The following PLXDC2 variants were observed in gnomAD, a reference collection of about 807,000 sequenced individuals.
PLXDC2 encodes plexin domain-containing protein 2.
Under a neutral mutation model 68.9 loss-of-function variants are expected in PLXDC2, and 40 were observed. The observed-to-expected ratio is 0.58, with a 90% CI of 0.45 to 0.76. The LOEUF is 0.76. PLXDC2 is among the 30% of genes least tolerant of loss of function. The probability of loss-of-function intolerance (pLI) is 0.00; values close to 1 mark genes in which losing one functional copy is unlikely to be tolerated. For synonymous variants in PLXDC2, 243 were observed against 234.2 expected, an observed-to-expected ratio of 1.04 and a Z score of -0.34; for missense variants, 644 against 661.9, an observed-to-expected ratio of 0.97 and a Z score of 0.30.
chr10:20,125,147 A>G (rs1267892460), intron 4 of PLXDC2, among the ~76,000 whole-genome samples: 3 of 151,568 alleles, frequency 2.0e-5, no homozygotes, highest in Admixed American at 6.6e-5. Context: ...GTGACAATCA[A>G]CCCCCTACCC....
intron 1 of PLXDC2, among the ~76,000 whole-genome samples, chr10:19,987,506 TC>T (rs1209155458): frequency 1.3e-5 from 2 of 152,136 alleles, no homozygotes; most frequent in Non-Finnish European, 2.9e-5. Flanking sequence ...ACACTTGCCA[TC>T]CTTTTTTTAC....
intron 1 of PLXDC2, among the ~76,000 whole-genome samples, chr10:19,853,069 C>T (rs1241892280): frequency 3.3e-5 from 5 of 152,156 alleles, no homozygotes; most frequent in Non-Finnish European, 4.4e-5. Flanking sequence ...TTCATTCTTT[C>T]AGTTGCTCAA....
intron 4 of PLXDC2, among the ~76,000 whole-genome samples, chr10:20,116,473 T>C (rs1474776220): frequency 4.0e-5 from 6 of 151,892 alleles, no homozygotes; most frequent in Non-Finnish European, 8.8e-5. Context: ...TCACAGTAAA[T>C]CGAGAAGTTA....
chr10:19,850,229 A>T (rs944226951), intron 1 of PLXDC2, among the ~76,000 whole-genome samples: 3 of 151,704 alleles, frequency 2.0e-5, no homozygotes, highest in Non-Finnish European at 4.4e-5. Context: ...TTAAATTAGA[A>T]ATATCCCTTA....
At chr10:20,251,576 A>T (rs1835676096) in intron 13 of PLXDC2, among the ~76,000 whole-genome samples, 1 of 152,066 alleles carries the variant, frequency 6.6e-6, no homozygotes, top group Non-Finnish European at 1.5e-5. Flanking sequence ...AAATGTTTAC[A>T]CTCTTGAGTG....
chr10:20,025,490 G>T (rs544679994), intron 2 of PLXDC2, among the ~76,000 whole-genome samples: 1 of 151,970 alleles, frequency 6.6e-6, no homozygotes, highest in African/African-American at 2.4e-5. Context: ...TTGAACTCCC[G>T]ACCTCAGGTG....
chr10:19,924,164 A>AG (rs1833503480), intron 1 of PLXDC2, among the ~76,000 whole-genome samples: 1 of 152,232 alleles, frequency 6.6e-6, no homozygotes, highest in Admixed American at 6.5e-5. Flanking sequence ...GGTCTCAGTC[A>AG]GACTCCTGAC....
At chr10:19,883,950 G>T (rs1199029821) in intron 1 of PLXDC2, among the ~76,000 whole-genome samples, 4 of 134,360 alleles carry the variant, frequency 3.0e-5, no homozygotes, top group Admixed American at 2.4e-4. Flanking sequence ...CTGGAGTGTG[G>T]TGGCGTGATT....
chr10:19,972,568 C>T (rs576568146), intron 1 of PLXDC2, among the ~76,000 whole-genome samples: 2 of 152,062 alleles, frequency 1.3e-5, no homozygotes, highest in Admixed American at 6.5e-5. Context: ...ATGTAACAAA[C>T]GTGCACACAC....
chr10:20,083,188 A>G (rs1005935912), intron 4 of PLXDC2, among the ~76,000 whole-genome samples: 3 of 152,092 alleles, frequency 2.0e-5, no homozygotes, highest in Non-Finnish European at 2.9e-5. Flanking sequence ...AATTATTACT[A>G]TGTGCGGCCG....
At chr10:20,206,473 C>T (rs7923584) in intron 9 of PLXDC2, among the ~76,000 whole-genome samples, 70,464 of 151,758 alleles carry the variant, frequency 0.46, 16,541 homozygotes, top group Middle Eastern at 0.55. Flanking sequence ...GTAGGCCAGC[C>T]GTATGTAATA....
At chr10:20,073,308 C>T (rs1483566960) in intron 4 of PLXDC2, among the ~76,000 whole-genome samples, 1 of 152,190 alleles carries the variant, frequency 6.6e-6, no homozygotes, top group Non-Finnish European at 1.5e-5. Context: ...TCTCTCTCCA[C>T]ACAGACACAA....
chr10:19,937,846 G>T (rs1194611758), intron 1 of PLXDC2, among the ~76,000 whole-genome samples: 1 of 152,062 alleles, frequency 6.6e-6, no homozygotes, highest in South Asian at 2.1e-4. Context: ...AGGAGGCAAC[G>T]TCCAGTCCTT....
At chr10:20,062,108 A>G (rs139494712) in intron 3 of PLXDC2, among the ~76,000 whole-genome samples, 2 of 152,276 alleles carry the variant, frequency 1.3e-5, no homozygotes, top group African/African-American at 4.8e-5. Flanking sequence ...GACTTTACAG[A>G]TGAGCAAACT....
At chr10:20,116,806 T>A (rs983237508) in intron 4 of PLXDC2, among the ~76,000 whole-genome samples, 21 of 152,166 alleles carry the variant, frequency 1.4e-4, no homozygotes, top group Non-Finnish European at 2.8e-4. Context: ...CTTACAAAAA[T>A]TTTTTTGATA....
chr10:20,165,938 C>T (rs1589661761), intron 7 of PLXDC2, among the ~76,000 whole-genome samples: 3 of 151,832 alleles, frequency 2.0e-5, no homozygotes, highest in Non-Finnish European at 1.5e-5. Flanking sequence ...TGTCATAGTA[C>T]GTGAAGTTGG....
intron 4 of PLXDC2, among the ~76,000 whole-genome samples, chr10:20,099,006 A>G (rs2131737315): frequency 6.6e-6 from 1 of 152,316 alleles, no homozygotes; most frequent in African/African-American, 2.4e-5. Context: ...GGAAAATTGA[A>G]ATAAGAAGAT....
At chr10:20,250,395 C>A (rs548389156) in intron 13 of PLXDC2, among the ~76,000 whole-genome samples, 7 of 152,148 alleles carry the variant, frequency 4.6e-5, no homozygotes, top group African/African-American at 1.7e-4. Context: ...TTAATCTTCC[C>A]CATTATAAAC....
intron 3 of PLXDC2, among the ~76,000 whole-genome samples, chr10:20,059,787 A>T (rs907546473): frequency 6.6e-6 from 1 of 152,230 alleles, no homozygotes; most frequent in Non-Finnish European, 1.5e-5. Context: ...CTTTAAAAAA[A>T]AATTCTACAT....
Sources: gnomAD v4.1 joint callset for allele counts (sites outside exome capture counted in the v4.1 genomes callset) on GRCh38, gnomAD v4.1.1 for gene constraint, MANE v1.5 for transcripts, NCBI Gene and HGNC (gene_info 2026-07-23, HGNC 2026-07-21) for gene names.